Variants in CCDC91 observed in about 807,000 individuals in gnomAD.
CCDC91 encodes the protein coiled-coil domain containing 91.
CCDC91 carries 48 observed loss-of-function variants against 63.2 expected under a neutral mutation model. The observed-to-expected ratio is 0.76, with a 90% CI of 0.60 to 0.97. The LOEUF (loss-of-function observed/expected upper bound fraction) is 0.97, where lower values mean the gene tolerates loss of function less well. Among genes scored for constraint, CCDC91 ranks in the 50% least tolerant of loss-of-function variants. CCDC91 has a pLI of 0.00. For synonymous variants in CCDC91, 167 were observed against 165.8 expected, an observed-to-expected ratio of 1.01 and a Z score of -0.06; for missense variants, 500 against 494.6, an observed-to-expected ratio of 1.01 and a Z score of -0.10.
intron 10 of CCDC91, 25 bp from the exon 11 acceptor site, chr12:28,452,453 G>T (rs987754984): frequency 2.0e-5 from 29 of 1,469,834 alleles, no homozygotes; most frequent in Non-Finnish European, 2.7e-5. Flanking sequence ...TTTCAAATTT[G>T]TTCTGGTCTT....
chr12:28,377,650 T>A (rs1450522748), intron 7 of CCDC91, among the ~76,000 whole-genome samples: 1 of 151,964 alleles, frequency 6.6e-6, no homozygotes, highest in Non-Finnish European at 1.5e-5. Flanking sequence ...TTATATCATC[T>A]TCTCAAACTC....
chr12:28,298,897 T>C (rs1402055073), intron 3 of CCDC91, among the ~76,000 whole-genome samples: 1 of 151,468 alleles, frequency 6.6e-6, no homozygotes, highest in African/African-American at 2.4e-5. Context: ...GATTCAGTCA[T>C]GTTGTTTCAT....
intron 7 of CCDC91, among the ~76,000 whole-genome samples, chr12:28,375,446 C>A (rs984540096): frequency 1.5e-4 from 23 of 151,780 alleles, no homozygotes; most frequent in African/African-American, 5.3e-4. Flanking sequence ...CATCTCTTCA[C>A]CTTCTTGGGC....
intron 12 of CCDC91, among the ~76,000 whole-genome samples, chr12:28,493,965 G>A (rs773157662): frequency 2.6e-5 from 4 of 151,638 alleles, no homozygotes; most frequent in Non-Finnish European, 5.9e-5. Flanking sequence ...TTAATAGGTT[G>A]GAGGATTAGC....
At chr12:28,367,273 C>T (rs547723991) in intron 7 of CCDC91, among the ~76,000 whole-genome samples, 7 of 152,066 alleles carry the variant, frequency 4.6e-5, no homozygotes, top group African/African-American at 7.2e-5. Flanking sequence ...AGAAAATACC[C>T]GCAAGTGTCA....
chr12:28,519,609 G>C (rs553206414), intron 12 of CCDC91, among the ~76,000 whole-genome samples: 2 of 150,296 alleles, frequency 1.3e-5, no homozygotes, highest in African/African-American at 4.9e-5. Context: ...TAGGGTACAC[G>C]TGCACAACGT....
At position 28,373,290 on chromosome 12, in the gene CCDC91, G is replaced by A. The variant is rs75317865; in HGVS notation, c.654+10775G>A. 9.2e-3 allele frequency among the ~76,000 whole-genome samples: 1,407 copies of A among 152,196 alleles called. 27 individuals carry two copies. The highest frequency in any genetic ancestry group is 0.032 in the African/African-American group (1,337 of 41,558). ...GTTTTTCACTTTTAGTATTTTGACTGTGATGTTTCTAGGTGTGTGTCTTTT... is the reference window on the plus strand; with the variant it reads ...GTTTTTCACTTTTAGTATTTTGACTATGATGTTTCTAGGTGTGTGTCTTTT... On this transcript the variant is annotated intron_variant, in intron 7 of 12. Coordinates refer to ENST00000536442, the MANE Select transcript of CCDC91 (RefSeq NM_018318.5).
In CCDC91 at chr12:28,436,592, TGTGG is replaced by T. The variant is rs545420857; in HGVS notation, c.763-13568_763-13565del. On this transcript the variant is annotated intron_variant, in intron 8 of 12. Coordinates refer to ENST00000536442, the MANE Select transcript of CCDC91 (RefSeq NM_018318.5). ...ATTACTTCTCTAGTGCCCTCTTTTA[TGTGG>T]ATCTGTATAACTTGCATCATTTTCC... Among the ~76,000 whole-genome samples, 387 of 152,026 alleles carry T rather than the reference TGTGG, an allele frequency of 2.5e-3. 3 individuals are homozygous for T. In the Middle Eastern group the frequency reaches 0.034, roughly 13 times the overall value.
chr12:28,273,798 C>G (rs1413592867), intron 3 of CCDC91, among the ~76,000 whole-genome samples: 1 of 152,052 alleles, frequency 6.6e-6, no homozygotes, highest in African/African-American at 2.4e-5. Context: ...GTTGCCTGTT[C>G]ACTCTGATGG....
intron 12 of CCDC91, among the ~76,000 whole-genome samples, chr12:28,538,023 T>C (rs942797043): frequency 6.6e-6 from 1 of 152,112 alleles, no homozygotes; most frequent in Non-Finnish European, 1.5e-5. Flanking sequence ...ATTTCTTATA[T>C]ATTCTTTTTG....
intron 3 of CCDC91, among the ~76,000 whole-genome samples, chr12:28,289,961 G>T (rs1949138926): frequency 6.6e-6 from 1 of 152,112 alleles, no homozygotes; most frequent in Non-Finnish European, 1.5e-5. Context: ...CAAAGTGCTG[G>T]GAATACAGGC....
intron 7 of CCDC91, among the ~76,000 whole-genome samples, chr12:28,386,691 A>G (rs1945624475): frequency 6.6e-6 from 1 of 152,196 alleles, no homozygotes; most frequent in Non-Finnish European, 1.5e-5. Context: ...AAAGTGTGAT[A>G]GTTTTCCTCA....
intron 8 of CCDC91, among the ~76,000 whole-genome samples, chr12:28,415,924 TGTAATTGTCAG>T (rs1947628414): frequency 6.6e-6 from 1 of 152,106 alleles, no homozygotes; most frequent in South Asian, 2.1e-4. Flanking sequence ...GCTATTCAAA[TGTAATTGTCAG>T]GCTGTGTCCT....
chr12:28,306,829 G>A lies in CCDC91; in HGVS notation c.355G>A (p.Val119Met). Residue 119 changes from valine to methionine, a missense_variant, in exon 5 of 13, where the codon GTG becomes ATG. Val to Met is a conservative substitution (Grantham distance 21). Transcript: ENST00000536442. ...AAAAAGTAATGGAACAATTGCCCTT[G>A]TGGATGATTCTGAGGATCCTGGAGC... ...DEKSNGTIAL[V>M]DDSEDPGANV... 1 of 1,612,072 alleles carries A rather than the reference G, an allele frequency of 6.2e-7. No individual in the cohort carries two copies. Among genetic ancestry groups the A allele is most frequent in the Non-Finnish European group, 8.5e-7 (1 of 1,178,694 alleles).
chr12:28,489,448 C>G (rs1201676413), intron 12 of CCDC91, among the ~76,000 whole-genome samples: 1 of 151,822 alleles, frequency 6.6e-6, no homozygotes, highest in East Asian at 1.9e-4. Flanking sequence ...CAACCCATCC[C>G]ACAAGTTAAG....
At chr12:28,248,567 T>G (rs1945915313) in intron 1 of CCDC91, among the ~76,000 whole-genome samples, 1 of 152,194 alleles carries the variant, frequency 6.6e-6, no homozygotes, top group Admixed American at 6.5e-5. Context: ...TAGTCTTATA[T>G]AGCATGAAGT....
At chr12:28,396,672 G>A (rs564049558) in intron 8 of CCDC91, among the ~76,000 whole-genome samples, 34 of 151,260 alleles carry the variant, frequency 2.2e-4, no homozygotes, top group Admixed American at 8.6e-4. Context: ...GTGTGTGTGT[G>A]TGTGTGTGGG....
At chr12:28,276,957 G>A (rs1187003195) in intron 3 of CCDC91, among the ~76,000 whole-genome samples, 4 of 151,740 alleles carry the variant, frequency 2.6e-5, no homozygotes. Flanking sequence ...ATTATGTTTT[G>A]CTTACCTGCT....
chr12:28,242,008 A>C (rs928034472), intron 1 of CCDC91, among the ~76,000 whole-genome samples: 4 of 151,578 alleles, frequency 2.6e-5, no homozygotes, highest in Non-Finnish European at 5.9e-5. Context: ...AAAAAAAAAA[A>C]AAAAAAAACG....
Sources: allele counts gnomAD v4.1 joint callset (sites outside exome capture counted in the v4.1 genomes callset), GRCh38; gene constraint gnomAD v4.1.1; transcripts MANE v1.5; gene names NCBI Gene and HGNC (gene_info 2026-07-23, HGNC 2026-07-21).